The following HERC1 variants were observed in gnomAD, a reference collection of about 807,000 sequenced individuals.
HERC1 encodes the protein probable E3 ubiquitin-protein ligase HERC1.
Under a neutral mutation model 554.3 loss-of-function variants are expected in HERC1, and 160 were observed. The observed-to-expected ratio is 0.29, with a 90% CI of 0.25 to 0.33. The LOEUF is 0.33. Ranked by LOEUF, HERC1 falls within the 10% of genes least tolerant of loss-of-function variation. The probability of loss-of-function intolerance (pLI) is 1.00; values close to 1 mark genes in which losing one functional copy is unlikely to be tolerated. For missense variants in HERC1, 4,919 were observed against 5,918.5 expected, an observed-to-expected ratio of 0.83 and a Z score of 5.54; for synonymous variants, 2,175 against 2,131.7, an observed-to-expected ratio of 1.02 and a Z score of -0.56.
At chr15:63,700,708 C>CA (rs11314964) in intron 25 of HERC1, among the ~76,000 whole-genome samples, 1,685 of 64,028 alleles carry the variant, frequency 0.026, 35 homozygotes, top group East Asian at 0.066. Context: ...GACCCTGCCT[C>CA]AAAAAAAAAA....
chr15:63,666,226 T>C (rs1053689334), intron 41 of HERC1, 76 bp from the exon 42 acceptor site: 1 of 1,398,764 alleles, frequency 7.1e-7, no homozygotes, highest in African/African-American at 1.5e-5. Context: ...GTGTTTGCTA[T>C]GATGCTCTTG....
chr15:63,661,562 A>G (rs2070360429), intron 45 of HERC1, among the ~76,000 whole-genome samples, 191 bp downstream of exon 45: 1 of 152,202 alleles, frequency 6.6e-6, no homozygotes, highest in Non-Finnish European at 1.5e-5. Flanking sequence ...AGGGAAGGAT[A>G]TGTTGCTATG....
chr15:63,749,479 T>G lies in HERC1; in HGVS notation c.2107A>C (p.Thr703Pro). The change falls in exon 10 of 78, where the codon ACA becomes CCA. Residue 703 changes from threonine (T) to proline (P), a missense_variant. Thr to Pro is a conservative substitution (Grantham distance 38). This residue lies in a region of HERC1 where 744 missense variants were observed against 1,090.0 expected (regional missense o/e 0.68). Transcript: ENST00000443617. The surrounding 1 kb of genome is among the most constrained non-coding windows in gnomAD (Gnocchi z 4.1). ...TTCTTTGGTTTAGTAATAGGACCTG[T>G]GGAATTTCCCTGACCACATTGCCCC... ...SMGQCGQGNSTGPITKPKKVS... is the reference protein window; with the variant it reads ...SMGQCGQGNSPGPITKPKKVS... 5 of 1,613,838 alleles carry G rather than the reference T, an allele frequency of 3.1e-6. No individual in the cohort carries two copies. The highest frequency in any genetic ancestry group is 4.2e-6 in the Non-Finnish European group (5 of 1,179,772).
Position 63,758,057 on chromosome 15 carries a change from C to G in HERC1, c.1221+118G>C, listed in dbSNP as rs1201311518. On this transcript the variant is annotated intron_variant, in intron 4 of 77. Transcript: ENST00000443617. This position sits in a 1 kb window ranked among gnomAD's most constrained non-coding sequence, Gnocchi z 4.0. ...AAAAAAACTAATGCAGTATATAGAC[C>G]AGAAATAACCATCGATAATTTTCAC... 5 of 772,794 alleles carry G rather than the reference C, an allele frequency of 6.5e-6. No individual in the cohort carries two copies. The highest frequency in any genetic ancestry group is 3.4e-4 in the Middle Eastern group (1 of 2,978). 47.9% of individuals were successfully genotyped at this position (772,794 alleles called of 1,614,324 possible).
rs1223426231 is a variant in HERC1, at chr15:63,689,718, A to G, written c.5938-19T>C. 5 of 1,419,540 alleles carry G rather than the reference A, an allele frequency of 3.5e-6. No homozygotes were observed. The highest frequency in any genetic ancestry group is 4.8e-6 in the Non-Finnish European group (5 of 1,045,106). The allele number at this position is 1,419,540 out of a possible 1,614,324, so 87.9% of individuals were successfully genotyped here. A position where few individuals can be genotyped will look rare whatever the true frequency, so the allele number is the denominator to read the frequency against. Reference sequence around the variant, plus strand: ...CAACAATCTGTTTTATTGAAGAAAAAAGGATAAAATTTGTAAAAAGTAACT... The same window carrying G: ...CAACAATCTGTTTTATTGAAGAAAAGAGGATAAAATTTGTAAAAAGTAACT... On this transcript the variant is annotated intron_variant, in intron 32 of 77. Transcript: ENST00000443617.
rs1389664095 is a variant in HERC1, at chr15:63,692,177, A to G, written c.5830+234T>C. Among the ~76,000 whole-genome samples, 2 of 152,262 alleles carry G rather than the reference A, an allele frequency of 1.3e-5. No individual in the cohort carries two copies. The highest frequency in any genetic ancestry group is 2.9e-5 in the Non-Finnish European group (2 of 68,046). ...TAGGTTTGTAATCTGAACAAAGAGGATGAAGTTCTCTAGATAAATTCTATG... is the reference window on the plus strand; with the variant it reads ...TAGGTTTGTAATCTGAACAAAGAGGGTGAAGTTCTCTAGATAAATTCTATG... On this transcript the variant is annotated intron_variant, in intron 31 of 77. Coordinates refer to ENST00000443617, the MANE Select transcript of HERC1 (RefSeq NM_003922.4). The surrounding 1 kb of genome is among the most constrained non-coding windows in gnomAD (Gnocchi z 4.7).
intron 12 of HERC1, among the ~76,000 whole-genome samples, chr15:63,741,330 CT>C (rs368294960): frequency 0.031 from 4,276 of 138,158 alleles, 208 homozygotes; most frequent in African/African-American, 0.11. Context: ...CCGGGCCCAT[CT>C]TTTTTTTTTT....
chr15:63,644,260 G>A (rs2069212955), intron 57 of HERC1, among the ~76,000 whole-genome samples: 1 of 152,208 alleles, frequency 6.6e-6, no homozygotes, highest in African/African-American at 2.4e-5. Flanking sequence ...AGGGTATCAT[G>A]AGCAAAAGGA....
At chr15:63,812,288 C>A (rs555335954) in intron 1 of HERC1, among the ~76,000 whole-genome samples, 1 of 152,336 alleles carries the variant, frequency 6.6e-6, no homozygotes, top group South Asian at 2.1e-4. Flanking sequence ...AAATCTTCAA[C>A]CCACATTTCC....
intron 44 of HERC1, 110 bp from the exon 45 acceptor site, chr15:63,662,131 C>T: frequency 8.8e-7 from 1 of 1,132,356 alleles, no homozygotes; most frequent in East Asian, 2.6e-5. Flanking sequence ...TAGAATATTT[C>T]CAACATGTTC....
intron 64 of HERC1, 27 bp downstream of exon 64, chr15:63,637,478 C>T (rs1458698364): frequency 3.7e-5 from 57 of 1,555,830 alleles, no homozygotes; most frequent in Non-Finnish European, 4.4e-5. Flanking sequence ...TAGGTTCTAA[C>T]CATCTTTTTA....
intron 38 of HERC1, among the ~76,000 whole-genome samples, chr15:63,672,957 G>C (rs2071012822): frequency 1.3e-5 from 2 of 152,040 alleles, no homozygotes; most frequent in African/African-American, 4.8e-5. Flanking sequence ...TAGAGAAGAG[G>C]GTTCTCTTAA....
At position 63,733,163 on chromosome 15, in the gene HERC1, A is replaced by G; in HGVS notation, c.2647-18T>C. The G allele has an allele frequency of 1.3e-6, 2 of 1,535,966 alleles. No homozygotes were observed. The highest frequency in any genetic ancestry group is 4.5e-5 in the East Asian group (2 of 44,388). ...TGCATTCTCTAAAGAACAATAAAATAGGAACAAGTAACTAGCGTAATATGC... is the reference window on the plus strand; with the variant it reads ...TGCATTCTCTAAAGAACAATAAAATGGGAACAAGTAACTAGCGTAATATGC... On this transcript the variant is annotated intron_variant, in intron 13 of 77. Transcript: ENST00000443617.
chr15:63,753,506 C>T (rs1373213548), intron 7 of HERC1, among the ~76,000 whole-genome samples: 1 of 151,880 alleles, frequency 6.6e-6, no homozygotes, highest in African/African-American at 2.4e-5. Context: ...ATCAATAGCT[C>T]ATGAAATTGA....
chr15:63,826,112 G>A (rs2077893797), intron 1 of HERC1, among the ~76,000 whole-genome samples: 1 of 152,112 alleles, frequency 6.6e-6, no homozygotes, highest in Non-Finnish European at 1.5e-5. Context: ...AACTCATCAA[G>A]TGCCAGAATC....
chr15:63,624,233 A>G lies in HERC1; in HGVS notation c.13370T>C (p.Val4457Ala). The change falls in exon 72 of 78, where the codon GTG becomes GCG. Residue 4457 changes from valine to alanine, a missense_variant. This residue lies in a region of HERC1 where 410 missense variants were observed against 467.0 expected (regional missense o/e 0.88). Transcript: ENST00000443617. ...AACCATGGTTTTTCCTATGGAGCGC[A>G]CCATTGGCAGAGTGTAGACTCTTGG... Reference protein sequence around the residue: ...LAPRVYTLPMVRSIGKTMVQG... With the variant: ...LAPRVYTLPMARSIGKTMVQG... The G allele has an allele frequency of 1.2e-6, 2 of 1,613,838 alleles. No homozygotes were observed. Among genetic ancestry groups the G allele is most frequent in the South Asian group, 2.2e-5 (2 of 91,076 alleles).
intron 48 of HERC1, among the ~76,000 whole-genome samples, 192 bp downstream of exon 48, chr15:63,658,352 T>C (rs1345150616): frequency 2.0e-5 from 3 of 152,220 alleles, no homozygotes; most frequent in Non-Finnish European, 4.4e-5. Flanking sequence ...CATTATTTTC[T>C]ACCTAAAAAG....
In HERC1 at chr15:63,627,862, C is replaced by CA. The variant is rs547619265; in HGVS notation, c.13105+814dup. Among the ~76,000 whole-genome samples the CA allele has an allele frequency of 1.6e-3, 242 of 152,168 alleles. 1 individual carries two copies. The highest frequency in any genetic ancestry group is 3.1e-3 in the Non-Finnish European group (210 of 67,994). On this transcript the variant is annotated intron_variant, in intron 70 of 77. Transcript: ENST00000443617. ...TTCTTTAAATCTTTGTGTAGCTATACAAAAATTTCATAATAAATTAAAAAT... is the reference window on the plus strand; with the variant it reads ...TTCTTTAAATCTTTGTGTAGCTATACAAAAAATTTCATAATAAATTAAAAAT...
intron 10 of HERC1, among the ~76,000 whole-genome samples, chr15:63,748,559 C>A (rs1344392716): frequency 6.6e-6 from 1 of 152,086 alleles, no homozygotes; most frequent in African/African-American, 2.4e-5. Context: ...CCTGAAATTT[C>A]TTGTTAATAC....
Sources: gnomAD v4.1 joint callset for allele counts (sites outside exome capture counted in the v4.1 genomes callset) on GRCh38, gnomAD v4.1.1 for gene constraint, gnomAD v4.1.1 regional missense constraint, Gnocchi (gnomAD v3.1) non-coding constraint, MANE v1.5 for transcripts, NCBI Gene and HGNC (gene_info 2026-07-23, HGNC 2026-07-21) for gene names.